The following MCM5 variants were observed in gnomAD, a reference collection of about 807,000 sequenced individuals.
MCM5 encodes the protein minichromosome maintenance complex component 5.
Under a neutral mutation model 79.9 loss-of-function variants are expected in MCM5, and 46 were observed. That is an observed-to-expected ratio of 0.58 (90% confidence interval 0.45 to 0.74). MCM5 has a LOEUF of 0.74. Among genes scored for constraint, MCM5 ranks in the 30% least tolerant of loss-of-function variants. MCM5 has a pLI of 0.00. For synonymous variants in MCM5, 404 were observed against 390.5 expected (o/e 1.03, Z -0.41); for missense variants, 883 against 1,017.0 (o/e 0.87, Z 1.79).
At chr22:35,402,705 G>A (rs1272553124) in intron 2 of MCM5, among the ~76,000 whole-genome samples, 5 of 152,044 alleles carry the variant, frequency 3.3e-5, no homozygotes, top group Admixed American at 1.3e-4. Flanking sequence ...TACCATGCCC[G>A]GCTAATCTTC....
intron 6 of MCM5, chr22:35,410,522 C>T (rs893152950): frequency 3.8e-6 from 2 of 525,696 alleles, no homozygotes; most frequent in African/African-American, 1.9e-5. Context: ...TTGGCTGTCA[C>T]TGTGGGCAAC....
chr22:35,432,240 G>A, the MCM5 span, among the ~76,000 whole-genome samples: 2 of 152,200 alleles, frequency 1.3e-5, no homozygotes, highest in Non-Finnish European at 2.9e-5. Context: ...CAGAAAGAAC[G>A]TCAGCGCCAG....
intron 9 of MCM5, among the ~76,000 whole-genome samples, chr22:35,414,603 A>T (rs994661955): frequency 9.9e-5 from 15 of 152,172 alleles, no homozygotes; most frequent in Middle Eastern, 3.4e-3. Flanking sequence ...TGGGTGACAG[A>T]GTGAGACCAT....
At chr22:35,438,476 TATCC>T in the MCM5 span, among the ~76,000 whole-genome samples, 199 of 107,716 alleles carry the variant, frequency 1.8e-3, 2 homozygotes, top group East Asian at 4.1e-3. Flanking sequence ...TCCATCCACA[TATCC>T]ATCCATCCAT....
chr22:35,450,497 G>A, the MCM5 span, among the ~76,000 whole-genome samples: 6 of 152,178 alleles, frequency 3.9e-5, 1 homozygote, highest in South Asian at 6.2e-4. Flanking sequence ...GTGAGGACTC[G>A]CCCAGACTCG....
chr22:35,441,272 T>C, the MCM5 span, among the ~76,000 whole-genome samples: 3 of 152,080 alleles, frequency 2.0e-5, no homozygotes, highest in African/African-American at 7.2e-5. Context: ...ATATGGAAGA[T>C]GGATTAGATG....
At chr22:35,433,187 T>G in the MCM5 span, among the ~76,000 whole-genome samples, 1 of 152,256 alleles carries the variant, frequency 6.6e-6, no homozygotes, top group East Asian at 1.9e-4. Flanking sequence ...TCTTCCTGCC[T>G]CCACCTCCTA....
the MCM5 span, among the ~76,000 whole-genome samples, chr22:35,437,472 C>T: frequency 4.6e-5 from 7 of 152,314 alleles, no homozygotes; most frequent in East Asian, 1.4e-3. Flanking sequence ...GAGGAAACAG[C>T]TGAGAGATGG....
At chr22:35,402,327 T>C (rs1437457184) in intron 2 of MCM5, among the ~76,000 whole-genome samples, 1 of 151,604 alleles carries the variant, frequency 6.6e-6, no homozygotes, top group Non-Finnish European at 1.5e-5. Context: ...TTGTTTTGTT[T>C]TTTGTTTTTT....
rs1380188972 is a variant in MCM5 at position 35,403,440 on chromosome 22, T to C, written c.321T>C (p.Ala107=). The change falls in exon 4 of 17, where the codon GCT becomes GCC. Residue 107 remains alanine, a synonymous_variant. Coordinates refer to ENST00000216122, the MANE Select transcript of MCM5 (RefSeq NM_006739.4). ...TGGAGGAAGCTGCCAAGGAGGTAGC[T>C]GATGAGGTGACCCGGCCCCGGCCTT... ...QLLEEAAKEV[A]DEVTRPRPSG... 1 of 1,614,088 alleles carries C rather than the reference T, an allele frequency of 6.2e-7. No homozygotes were observed. Among genetic ancestry groups the C allele is most frequent in the African/African-American group, 1.3e-5 (1 of 74,934 alleles).
chr22:35,414,741 C>A (rs1185449516), intron 9 of MCM5, among the ~76,000 whole-genome samples: 1 of 152,018 alleles, frequency 6.6e-6, no homozygotes, highest in Non-Finnish European at 1.5e-5. Context: ...GTACTATTAC[C>A]CCTGTGTTAG....
the MCM5 span, among the ~76,000 whole-genome samples, chr22:35,447,933 C>T: frequency 6.6e-6 from 1 of 152,198 alleles, no homozygotes; most frequent in East Asian, 1.9e-4. Context: ...CTCAGGGAAA[C>T]GGGGCCCCTG....
Position 35,417,845 on chromosome 22 carries a change from C to T in MCM5, c.1692C>T (p.Ala564=), listed in dbSNP as rs1255925709. 1.2e-6 allele frequency: 2 copies of T among 1,613,872 alleles called. No homozygotes were observed. The highest frequency in any genetic ancestry group is 1.7e-5 in the Admixed American group (1 of 60,022). The change falls in exon 13 of 17, where the codon GCC becomes GCT. Residue 564 remains alanine (A), a synonymous_variant. Transcript: ENST00000216122. ...TGGCCAAGCTGAAGAAGTTTATTGC[C>T]TACTGCCGAGTGTGAGTCCTGGACG... is the stretch of plus-strand genomic sequence containing the variant. ...IDLAKLKKFI[A]YCRVKCGPRL...
the MCM5 span, among the ~76,000 whole-genome samples, chr22:35,433,540 G>A: frequency 1.3e-5 from 2 of 152,190 alleles, no homozygotes; most frequent in Admixed American, 1.3e-4. Context: ...CCTTGGGGGG[G>A]TCTCTCATTT....
At chr22:35,431,943 C>A in the MCM5 span, among the ~76,000 whole-genome samples, 1 of 152,200 alleles carries the variant, frequency 6.6e-6, no homozygotes, top group Admixed American at 6.5e-5. Flanking sequence ...TGGGCCTGAT[C>A]TGTCGGGTCA....
At chr22:35,440,076 T>C in the MCM5 span, among the ~76,000 whole-genome samples, 2 of 152,232 alleles carry the variant, frequency 1.3e-5, no homozygotes, top group African/African-American at 4.8e-5. Context: ...CAAATTCACA[T>C]GGAGACATCA....
chr22:35,441,387 G>A, the MCM5 span, among the ~76,000 whole-genome samples: 17 of 152,330 alleles, frequency 1.1e-4, no homozygotes, highest in African/African-American at 3.8e-4. Context: ...TCTTGGTTTG[G>A]GGACCAGAAC....
Position 35,406,555 on chromosome 22 carries a change from G to A in MCM5, c.426G>A (p.Ser142=), listed in dbSNP as rs749822398. The A allele has an allele frequency of 1.4e-5, 23 of 1,612,734 alleles. No homozygotes were observed. Among genetic ancestry groups the A allele is most frequent in the African/African-American group, 5.3e-5 (4 of 74,876 alleles). Residue 142 remains serine (S), a splice_region_variant and synonymous_variant, in exon 5 of 17, where the codon TCG becomes TCA. Transcript: ENST00000216122. ...GCTTCCCGATGGCTCTATTACAGTC[G>A]GACATGATGTCACACCTGGTGAAGA... ...ASPSSIRSLK[S]DMMSHLVKIP... is the part of the protein sequence containing the mutation.
chr22:35,420,212 G>A (rs1387319896), intron 14 of MCM5, among the ~76,000 whole-genome samples, 200 bp downstream of exon 14: 1 of 152,182 alleles, frequency 6.6e-6, no homozygotes, highest in African/African-American at 2.4e-5. Context: ...ATTTAAGGCC[G>A]GGCAAACCTA....
Sources: allele counts gnomAD v4.1 joint callset (sites outside exome capture counted in the v4.1 genomes callset), GRCh38; gene constraint gnomAD v4.1.1; transcripts MANE v1.5; gene names NCBI Gene and HGNC (gene_info 2026-07-23, HGNC 2026-07-21).